The following STARD13 variants were observed in gnomAD, a reference collection of about 807,000 sequenced individuals.
STARD13 encodes StAR related lipid transfer domain containing 13.
A neutral mutation model predicts 106.4 loss-of-function variants in STARD13; 62 were observed. The ratio of observed to expected loss-of-function variants is 0.58; its 90% CI spans 0.48 to 0.72. The LOEUF (loss-of-function observed/expected upper bound fraction) is 0.72. Ranked by LOEUF, STARD13 falls within the 30% of genes least tolerant of loss-of-function variation. The pLI is 0.00. For synonymous variants in STARD13, 565 were observed against 553.0 expected (o/e 1.02, Z -0.31); for missense variants, 1,387 against 1,424.0 (o/e 0.97, Z 0.42).
chr13:33,396,713 A>C, the STARD13 span, among the ~76,000 whole-genome samples: 1 of 152,210 alleles, frequency 6.6e-6, no homozygotes, highest in Non-Finnish European at 1.5e-5. Context: ...TTGGGGTAGA[A>C]TTGGTAATTG....
At chr13:33,673,315 T>C in the STARD13 span, among the ~76,000 whole-genome samples, 2 of 152,180 alleles carry the variant, frequency 1.3e-5, no homozygotes, top group African/African-American at 2.4e-5. Context: ...GGGCTGTGAG[T>C]ACTGCTTGGC....
intron 1 of STARD13, among the ~76,000 whole-genome samples, chr13:33,182,100 A>AC (rs1885295949): frequency 6.6e-6 from 1 of 152,246 alleles, no homozygotes; most frequent in South Asian, 2.1e-4. Context: ...ACATGCACAC[A>AC]CCACACATGT....
the STARD13 span, among the ~76,000 whole-genome samples, chr13:33,619,210 A>G: frequency 6.6e-6 from 1 of 152,194 alleles, no homozygotes; most frequent in East Asian, 1.9e-4. Context: ...ACAAAACTGT[A>G]CTCAAACAGC....
the STARD13 span, among the ~76,000 whole-genome samples, chr13:33,400,747 A>G: frequency 0.15 from 23,381 of 151,960 alleles, 4,309 homozygotes; most frequent in African/African-American, 0.43. Context: ...ACAGGCGTGA[A>G]CCACCGCACC....
At chr13:33,612,049 C>T in the STARD13 span, among the ~76,000 whole-genome samples, 2 of 152,138 alleles carry the variant, frequency 1.3e-5, no homozygotes, top group South Asian at 2.1e-4. Flanking sequence ...CTTTAAAAAC[C>T]CATAGGCATT....
chr13:33,451,520 T>G, the STARD13 span, among the ~76,000 whole-genome samples: 2 of 152,074 alleles, frequency 1.3e-5, no homozygotes, highest in African/African-American at 2.4e-5. Context: ...TGGTTCATGT[T>G]GACAAAGGGA....
At chr13:33,528,612 T>C in the STARD13 span, among the ~76,000 whole-genome samples, 1 of 152,006 alleles carries the variant, frequency 6.6e-6, no homozygotes, top group Non-Finnish European at 1.5e-5. Flanking sequence ...TCTTTAAAAA[T>C]GTTTCTAATC....
At chr13:33,223,389 T>A (rs1211566258) in intron 1 of STARD13, among the ~76,000 whole-genome samples, 1 of 152,170 alleles carries the variant, frequency 6.6e-6, no homozygotes, top group Non-Finnish European at 1.5e-5. Context: ...CCAGGCACGG[T>A]GGCTCATGCC....
At chr13:33,261,116 TG>T (rs1402571283) in intron 1 of STARD13, among the ~76,000 whole-genome samples, 2 of 152,248 alleles carry the variant, frequency 1.3e-5, no homozygotes, top group Non-Finnish European at 2.9e-5. Flanking sequence ...TGAATTCATT[TG>T]TATCTATCTA....
At chr13:33,627,969 CT>C in the STARD13 span, among the ~76,000 whole-genome samples, 276 of 143,242 alleles carry the variant, frequency 1.9e-3, no homozygotes, top group Middle Eastern at 3.5e-3. Context: ...TTTTTTCTTT[CT>C]TTTTTTTTTT....
At chr13:33,540,742 G>C in the STARD13 span, among the ~76,000 whole-genome samples, 2 of 152,156 alleles carry the variant, frequency 1.3e-5, no homozygotes, top group African/African-American at 2.4e-5. Flanking sequence ...AATAAAGTGT[G>C]AGGCAAAGTC....
At chr13:33,597,095 T>C in the STARD13 span, among the ~76,000 whole-genome samples, 1 of 152,206 alleles carries the variant, frequency 6.6e-6, no homozygotes, top group Non-Finnish European at 1.5e-5. Context: ...ATTTTTAGTT[T>C]TTTGAGAAGA....
chr13:33,190,306 A>C (rs922172218), intron 1 of STARD13, among the ~76,000 whole-genome samples: 2 of 152,190 alleles, frequency 1.3e-5, no homozygotes, highest in Non-Finnish European at 2.9e-5. Flanking sequence ...ATGTGGCTTC[A>C]GTTACTTGGG....
the STARD13 span, among the ~76,000 whole-genome samples, chr13:33,382,609 T>C: frequency 6.6e-6 from 1 of 152,172 alleles, no homozygotes; most frequent in African/African-American, 2.4e-5. Flanking sequence ...TAAACATGGA[T>C]TCAAGAACTC....
At chr13:33,542,953 C>T in the STARD13 span, among the ~76,000 whole-genome samples, 1 of 152,242 alleles carries the variant, frequency 6.6e-6, no homozygotes, top group Non-Finnish European at 1.5e-5. Flanking sequence ...ACCCGAGTCT[C>T]CGCCCCGCCG....
At chr13:33,431,559 T>G in the STARD13 span, among the ~76,000 whole-genome samples, 2 of 152,226 alleles carry the variant, frequency 1.3e-5, no homozygotes, top group Non-Finnish European at 2.9e-5. Context: ...ATGGGAAAAA[T>G]TTTTTTGAAT....
At chr13:33,180,309 A>G (rs1038674706) in intron 1 of STARD13, 2 of 152,226 alleles carry the variant, frequency 1.3e-5, no homozygotes, top group African/African-American at 4.8e-5. Flanking sequence ...GGAAGACAGT[A>G]TTGCGATTAT....
chr13:33,419,025 G>T, the STARD13 span, among the ~76,000 whole-genome samples: 23,742 of 152,136 alleles, frequency 0.16, 4,426 homozygotes, highest in African/African-American at 0.44. Context: ...GAGCAGAAAA[G>T]CTGAAAATTC....
the STARD13 span, among the ~76,000 whole-genome samples, chr13:33,494,293 T>C: frequency 1.6e-3 from 242 of 152,292 alleles, no homozygotes; most frequent in African/African-American, 5.4e-3. Flanking sequence ...CTTATTGCCA[T>C]TAATAAGCAC....
Sources: gnomAD v4.1 joint callset for allele counts (sites outside exome capture counted in the v4.1 genomes callset) on GRCh38, gnomAD v4.1.1 for gene constraint, MANE v1.5 for transcripts, NCBI Gene and HGNC (gene_info 2026-07-23, HGNC 2026-07-21) for gene names.